Variants in AKAP12 observed in about 807,000 individuals in gnomAD.
AKAP12 encodes the protein A-kinase anchoring protein 12.
A neutral mutation model predicts 79.9 loss-of-function variants in AKAP12; 32 were observed. The observed-to-expected ratio is 0.40, with a 90% CI of 0.30 to 0.54. AKAP12 has a LOEUF of 0.54. AKAP12 is among the 20% of genes least tolerant of loss of function. The pLI, the probability that AKAP12 is intolerant of heterozygous loss-of-function variation, is 0.48. For synonymous variants in AKAP12, 808 were observed against 857.0 expected (o/e 0.94, Z 1.00); for missense variants, 2,074 against 2,177.0 (o/e 0.95, Z 0.94).
chr6:151,332,027 G>A (rs1777685591), intron 3 of AKAP12, among the ~76,000 whole-genome samples: 1 of 100,106 alleles, frequency 1.0e-5, no homozygotes, highest in Non-Finnish European at 1.9e-5. Context: ...GTCCAGTTCT[G>A]GGTCTGTTTT....
intron 4 of AKAP12, among the ~76,000 whole-genome samples, chr6:151,354,253 T>A (rs939010500): frequency 3.3e-5 from 5 of 152,188 alleles, no homozygotes; most frequent in Non-Finnish European, 7.3e-5. Flanking sequence ...AATGGATTTT[T>A]TTTCCCCTAG....
chr6:151,335,597 A>G (rs868179622), intron 3 of AKAP12, among the ~76,000 whole-genome samples: 2 of 152,034 alleles, frequency 1.3e-5, no homozygotes, highest in Non-Finnish European at 2.9e-5. Context: ...TCAGCCTCTC[A>G]AGTAGCTGGG....
chr6:151,273,366 GCTGAGTTTCC>G (rs1375807721), intron 2 of AKAP12, among the ~76,000 whole-genome samples: 2 of 152,178 alleles, frequency 1.3e-5, no homozygotes, highest in African/African-American at 4.8e-5. Flanking sequence ...GCTAGTAAGG[GCTGAGTTTCC>G]CTGTGGGGTA....
chr6:151,306,461 C>T (rs1776980836), intron 3 of AKAP12, among the ~76,000 whole-genome samples: 1 of 152,138 alleles, frequency 6.6e-6, no homozygotes, highest in South Asian at 2.1e-4. Context: ...GCATGTGGCC[C>T]AGTAAGTCTC....
At chr6:151,250,086 A>C (rs1356561184) in intron 2 of AKAP12, among the ~76,000 whole-genome samples, 1 of 152,180 alleles carries the variant, frequency 6.6e-6, no homozygotes, top group African/African-American at 2.4e-5. Flanking sequence ...TGCTACAAAA[A>C]ATTTAAAAAT....
At chr6:151,337,524 A>AAAGAAAG (rs1777847924) in intron 3 of AKAP12, among the ~76,000 whole-genome samples, 2 of 129,780 alleles carry the variant, frequency 1.5e-5, no homozygotes, top group African/African-American at 3.4e-5. Context: ...AAAAAAAAAA[A>AAAGAAAG]AAAGAAAGAA....
intron 2 of AKAP12, among the ~76,000 whole-genome samples, chr6:151,256,897 C>T (rs994692603): frequency 1.3e-5 from 2 of 150,094 alleles, no homozygotes; most frequent in South Asian, 2.1e-4. Flanking sequence ...GATCTGCCTG[C>T]CTCGGCCTCC....
Position 151,253,845 on chromosome 6 carries a change from T to C in AKAP12, c.162+13121T>C, listed in dbSNP as rs531968335. Among the ~76,000 whole-genome samples, 26 of 152,140 alleles carry C rather than the reference T, an allele frequency of 1.7e-4. No individual in the cohort carries two copies. The South Asian group carries it at 5.4e-3, about 32-fold the overall frequency. On this transcript the variant is annotated intron_variant, in intron 2 of 4. Transcript: ENST00000402676. Reference sequence around the variant, plus strand: ...CCTCAGCCTCTTGAGTAGCTGGAATTACAGGTGTGAGCCACCACACCTGGC... The same window carrying C: ...CCTCAGCCTCTTGAGTAGCTGGAATCACAGGTGTGAGCCACCACACCTGGC...
At chr6:151,323,574 C>CAG (rs1777453476) in intron 3 of AKAP12, among the ~76,000 whole-genome samples, 1 of 151,544 alleles carries the variant, frequency 6.6e-6, no homozygotes, top group South Asian at 2.1e-4. Context: ...AAAATCAAAT[C>CAG]AGATGTGTTA....
At chr6:151,275,977 A>G (rs900416399) in intron 2 of AKAP12, among the ~76,000 whole-genome samples, 1 of 152,256 alleles carries the variant, frequency 6.6e-6, no homozygotes, top group Non-Finnish European at 1.5e-5. Flanking sequence ...CTTTGCAGAA[A>G]GAAAATCGCT....
chr6:151,280,997 G>A (rs1776395211), intron 2 of AKAP12, among the ~76,000 whole-genome samples: 1 of 152,162 alleles, frequency 6.6e-6, no homozygotes, highest in Middle Eastern at 3.4e-3. Flanking sequence ...CAGTTAACAA[G>A]GTCATGTTTA....
In AKAP12 at chr6:151,273,072, T is replaced by C. The variant is rs574887033; in HGVS notation, c.162+32348T>C. On this transcript the variant is annotated intron_variant, in intron 2 of 4. Coordinates refer to ENST00000402676, the MANE Select transcript of AKAP12 (RefSeq NM_005100.4). The stretch of plus-strand genomic sequence containing the variant: ...ATAGGCGCCTGCCACCACACCTGGC[T>C]AATTTTTTGTATTTTTAGTAGAGAT... Among the ~76,000 whole-genome samples the C allele has an allele frequency of 5.9e-5, 9 of 152,272 alleles. No homozygotes were observed. In the East Asian group the frequency reaches 1.7e-3, roughly 29 times the overall value.
intron 2 of AKAP12, among the ~76,000 whole-genome samples, chr6:151,263,635 A>G (rs1410198827): frequency 1.3e-5 from 2 of 151,654 alleles, no homozygotes; most frequent in African/African-American, 2.4e-5. Context: ...CTGGAGTGCA[A>G]TGGCGTGATC....
At chr6:151,245,723 T>C (rs1266734728) in intron 2 of AKAP12, among the ~76,000 whole-genome samples, 1 of 151,976 alleles carries the variant, frequency 6.6e-6, no homozygotes, top group Non-Finnish European at 1.5e-5. Context: ...TTTAAAGTCA[T>C]TGCATAGCAA....
At chr6:151,314,479 A>G (rs558586550) in intron 3 of AKAP12, among the ~76,000 whole-genome samples, 3 of 152,332 alleles carry the variant, frequency 2.0e-5, no homozygotes, top group African/African-American at 7.2e-5. Flanking sequence ...TGTGGCCACT[A>G]AACGTCATCC....
chr6:151,277,474 T>C (rs76243484), intron 2 of AKAP12, among the ~76,000 whole-genome samples: 53 of 152,292 alleles, frequency 3.5e-4, no homozygotes, highest in Admixed American at 5.2e-4. Context: ...ATGTTTCCAA[T>C]AGGAGAACTT....
chr6:151,312,664 C>T (rs186197009), intron 3 of AKAP12, among the ~76,000 whole-genome samples: 174 of 151,928 alleles, frequency 1.1e-3, no homozygotes, highest in African/African-American at 3.6e-3. Context: ...TGGTGGCGGG[C>T]GCCTGTAGTC....
intron 3 of AKAP12, among the ~76,000 whole-genome samples, chr6:151,313,398 C>T (rs1777163262): frequency 6.6e-6 from 1 of 152,190 alleles, no homozygotes; most frequent in Admixed American, 6.5e-5. Flanking sequence ...CTGGAGGGAA[C>T]ACACACAAAA....
intron 2 of AKAP12, among the ~76,000 whole-genome samples, chr6:151,286,694 C>T (rs916155105): frequency 2.0e-5 from 3 of 152,140 alleles, no homozygotes; most frequent in Non-Finnish European, 4.4e-5. Flanking sequence ...TATTTAAGCG[C>T]ATATGAACCA....
Sources: allele counts gnomAD v4.1 joint callset (sites outside exome capture counted in the v4.1 genomes callset), GRCh38; gene constraint gnomAD v4.1.1; transcripts MANE v1.5; gene names NCBI Gene and HGNC (gene_info 2026-07-23, HGNC 2026-07-21).